The following RASA2 variants were observed in gnomAD, a reference collection of about 807,000 sequenced individuals.
RASA2 encodes ras GTPase-activating protein 2.
RASA2 carries 155 observed loss-of-function variants against 118.2 expected under a neutral mutation model. The observed-to-expected ratio is 1.31, with a 90% CI of 1.15 to 1.50. The LOEUF (loss-of-function observed/expected upper bound fraction) is 1.50, where lower values mean the gene tolerates loss of function less well. RASA2 is among the 40% of genes most tolerant of loss of function. The pLI is 0.00. For missense variants in RASA2, 1,016 were observed against 1,009.6 expected (o/e 1.01, Z -0.09); for synonymous variants, 353 against 349.1 (o/e 1.01, Z -0.12).
chr3:141,569,774 A>G (rs2082885601), intron 9 of RASA2, among the ~76,000 whole-genome samples: 1 of 151,744 alleles, frequency 6.6e-6, no homozygotes, highest in Admixed American at 6.6e-5. Flanking sequence ...TTCAATCCCT[A>G]CCCCCCTATC....
intron 5 of RASA2, among the ~76,000 whole-genome samples, chr3:141,550,632 T>G (rs1043168073): frequency 2.6e-5 from 4 of 152,174 alleles, no homozygotes; most frequent in African/African-American, 9.7e-5. Context: ...CAAAATAAGG[T>G]TTTTAAAATT....
At chr3:141,565,880 T>A (rs1302604009) in intron 9 of RASA2, among the ~76,000 whole-genome samples, 1 of 152,252 alleles carries the variant, frequency 6.6e-6, no homozygotes, top group Non-Finnish European at 1.5e-5. Context: ...AGACAGTAGA[T>A]GTTCTGAAGG....
intron 1 of RASA2, among the ~76,000 whole-genome samples, chr3:141,489,642 G>A (rs2081616855): frequency 6.6e-6 from 1 of 152,162 alleles, no homozygotes; most frequent in Non-Finnish European, 1.5e-5. Flanking sequence ...TTAGCCTGAA[G>A]AAATTTTCTT....
chr3:141,586,362 A>G (rs907656532), intron 18 of RASA2, among the ~76,000 whole-genome samples: 1 of 152,314 alleles, frequency 6.6e-6, no homozygotes, highest in Non-Finnish European at 1.5e-5. Context: ...TAACAGCACT[A>G]TTAGTCTTAA....
intron 9 of RASA2, among the ~76,000 whole-genome samples, chr3:141,562,655 A>AC (rs200351875): frequency 7.7e-4 from 65 of 83,966 alleles, no homozygotes; most frequent in Middle Eastern, 6.4e-3. Flanking sequence ...AACAACACAC[A>AC]AAAAAAAACC....
chr3:141,512,449 C>G (rs1035224288), intron 2 of RASA2, among the ~76,000 whole-genome samples, 169 bp downstream of exon 2: 1 of 152,074 alleles, frequency 6.6e-6, no homozygotes, highest in South Asian at 2.1e-4. Context: ...CTAATTTTAT[C>G]TTTGTTTTCT....
At chr3:141,502,896 A>G (rs1174311969) in intron 1 of RASA2, among the ~76,000 whole-genome samples, 1 of 152,114 alleles carries the variant, frequency 6.6e-6, no homozygotes, top group East Asian at 1.9e-4. Flanking sequence ...TGGACCTACT[A>G]CATCTCTTTC....
chr3:141,499,083 ATAGTAGTT>A (rs2081742817), intron 1 of RASA2, among the ~76,000 whole-genome samples: 1 of 152,218 alleles, frequency 6.6e-6, no homozygotes, highest in Non-Finnish European at 1.5e-5. Flanking sequence ...CTTTTCGTGT[ATAGTAGTT>A]TCCTAACTTC....
At chr3:141,516,203 A>AAT (rs911013488) in intron 2 of RASA2, 125 bp from the exon 3 acceptor site, 26 of 610,004 alleles carry the variant, frequency 4.3e-5, no homozygotes, top group East Asian at 1.6e-4. Flanking sequence ...AGTATAATAA[A>AAT]ATATATATAT....
At position 141,607,649 on chromosome 3, in the gene RASA2, A is replaced by C. The variant is rs1490269114; in HGVS notation, c.1934-29A>C. 5.8e-6 allele frequency: 9 copies of C among 1,545,098 alleles called. No individual in the cohort carries two copies. In the South Asian group the frequency reaches 8.9e-5, roughly 15 times the overall value. ...TTATAATTCTGATGGAAATTACTTT[A>C]ATTTTGTTTTACTTTTTTTATTATT... On this transcript the variant is annotated intron_variant, in intron 19 of 23. Coordinates refer to ENST00000286364, the MANE Select transcript of RASA2 (RefSeq NM_006506.5).
intron 4 of RASA2, among the ~76,000 whole-genome samples, chr3:141,531,078 A>T (rs2082252820): frequency 6.6e-6 from 1 of 152,096 alleles, no homozygotes; most frequent in Admixed American, 6.6e-5. Context: ...CAGATGTAAA[A>T]TATTGTCTGT....
chr3:141,562,550 G>T (rs1375138052), intron 9 of RASA2, among the ~76,000 whole-genome samples: 1 of 73,428 alleles, frequency 1.4e-5, no homozygotes. Context: ...GTGCACCTGG[G>T]AGCGGGAGCT....
chr3:141,522,134 A>G (rs1411208006), intron 3 of RASA2, among the ~76,000 whole-genome samples: 2 of 150,624 alleles, frequency 1.3e-5, no homozygotes, highest in African/African-American at 2.4e-5. Context: ...TTTTTTTGTC[A>G]TTCATTTATT....
chr3:141,579,116 G>A (rs2083059302), intron 15 of RASA2, among the ~76,000 whole-genome samples: 3 of 152,082 alleles, frequency 2.0e-5, no homozygotes. Context: ...TTTTCAATGT[G>A]GGGGTTGGGG....
chr3:141,568,870 T>C (rs2082867187), intron 9 of RASA2, among the ~76,000 whole-genome samples: 1 of 152,076 alleles, frequency 6.6e-6, no homozygotes, highest in Admixed American at 6.6e-5. Flanking sequence ...AATATGCAGA[T>C]AAATATTTAT....
chr3:141,487,491 C>A (rs1243965859), intron 1 of RASA2, among the ~76,000 whole-genome samples: 11 of 151,566 alleles, frequency 7.3e-5, no homozygotes, highest in Non-Finnish European at 1.6e-4. Context: ...GCGTGAGGGG[C>A]TCGGTCGTGG....
intron 1 of RASA2, among the ~76,000 whole-genome samples, chr3:141,491,943 G>A (rs1017873376): frequency 1.3e-5 from 2 of 152,188 alleles, no homozygotes; most frequent in Non-Finnish European, 2.9e-5. Flanking sequence ...AAGTTGAGTG[G>A]AAGAGATTAA....
At chr3:141,549,468 T>TGTGTGC (rs2082537704) in intron 5 of RASA2, among the ~76,000 whole-genome samples, 2 of 146,364 alleles carry the variant, frequency 1.4e-5, no homozygotes, top group African/African-American at 2.6e-5. Context: ...TAGGAGTGTG[T>TGTGTGC]ATGAGTGTGT....
chr3:141,571,962 TACAC>T (rs1560041505), intron 11 of RASA2, among the ~76,000 whole-genome samples: 1 of 150,692 alleles, frequency 6.6e-6, no homozygotes, highest in Non-Finnish European at 1.5e-5. Flanking sequence ...GTTGTTTTTT[TACAC>T]ACAGAGACAT....
Sources: allele counts gnomAD v4.1 joint callset (sites outside exome capture counted in the v4.1 genomes callset), GRCh38; gene constraint gnomAD v4.1.1; transcripts MANE v1.5; gene names NCBI Gene and HGNC (gene_info 2026-07-23, HGNC 2026-07-21).